UGDH: variants seen among roughly 807,000 people sequenced by gnomAD.
The protein encoded by UGDH is UDP-Glc dehydrogenase.
Under a neutral mutation model 50.6 loss-of-function variants are expected in UGDH, and 38 were observed. The observed-to-expected ratio is 0.75, with a 90% CI of 0.58 to 0.98. The LOEUF (loss-of-function observed/expected upper bound fraction) is 0.98, where lower values mean the gene tolerates loss of function less well. Among genes scored for constraint, UGDH ranks in the 50% least tolerant of loss-of-function variants. The pLI is 0.00. For synonymous variants in UGDH, 168 were observed against 199.9 expected (o/e 0.84, Z 1.35); for missense variants, 465 against 606.2 (o/e 0.77, Z 2.45).
At chr4:39,503,223 A>C (rs1745895311) in intron 11 of UGDH, among the ~76,000 whole-genome samples, 1 of 151,982 alleles carries the variant, frequency 6.6e-6, no homozygotes, top group Admixed American at 6.6e-5. Flanking sequence ...CAATTTTTGT[A>C]TTTGTTAATA....
At chr4:39,509,524 G>A (rs1484550922) in intron 6 of UGDH, among the ~76,000 whole-genome samples, 2 of 152,208 alleles carry the variant, frequency 1.3e-5, no homozygotes, top group Non-Finnish European at 2.9e-5. Flanking sequence ...AATGCAGTAT[G>A]CAGTAAGGAA....
At chr4:39,509,966 C>T in intron 5 of UGDH, 59 bp from the exon 6 acceptor site, 1 of 1,524,480 alleles carries the variant, frequency 6.6e-7, no homozygotes, top group Non-Finnish European at 8.7e-7. Flanking sequence ...TTTTATACAT[C>T]TAGTTTATAT....
intron 1 of UGDH, among the ~76,000 whole-genome samples, chr4:39,523,705 G>A (rs1038502746): frequency 1.3e-5 from 2 of 151,848 alleles, no homozygotes; most frequent in African/African-American, 2.4e-5. Context: ...TTGGGAGGCT[G>A]AGGCAGGAGA....
intron 1 of UGDH, among the ~76,000 whole-genome samples, chr4:39,521,946 C>T (rs1746679375): frequency 6.6e-6 from 1 of 152,176 alleles, no homozygotes; most frequent in African/African-American, 2.4e-5. Context: ...GAGTTTATAA[C>T]AGGTTTAGAT....
intron 3 of UGDH, among the ~76,000 whole-genome samples, chr4:39,511,857 G>A (rs966532216): frequency 1.3e-5 from 2 of 151,170 alleles, no homozygotes; most frequent in African/African-American, 2.4e-5. Flanking sequence ...TTACAAGTGC[G>A]CCACCACACC....
At chr4:39,516,490 T>G (rs6817264) in intron 2 of UGDH, among the ~76,000 whole-genome samples, 108,766 of 151,982 alleles carry the variant, frequency 0.72, 39,090 homozygotes, top group East Asian at 0.9. Context: ...AAAGAAAACA[T>G]ACCTAAACCA....
intron 2 of UGDH, among the ~76,000 whole-genome samples, chr4:39,514,541 T>C (rs981357999): frequency 1.3e-5 from 2 of 152,184 alleles, no homozygotes; most frequent in Middle Eastern, 3.4e-3. Context: ...GTATCTTTTT[T>C]TGGCAGAGAT....
At chr4:39,508,720 G>A in intron 6 of UGDH, 60 bp from the exon 7 acceptor site, 2 of 1,436,208 alleles carry the variant, frequency 1.4e-6, no homozygotes, top group Admixed American at 4.6e-5. Context: ...TCAATCATGT[G>A]ACAAATTTCT....
intron 1 of UGDH, among the ~76,000 whole-genome samples, chr4:39,523,165 C>T (rs945916036): frequency 6.6e-6 from 1 of 152,106 alleles, no homozygotes; most frequent in Admixed American, 6.6e-5. Context: ...GATTCTCGTG[C>T]CTCAGCCCGC....
At chr4:39,526,212 C>T (rs1163430666) in intron 1 of UGDH, among the ~76,000 whole-genome samples, 1 of 152,122 alleles carries the variant, frequency 6.6e-6, no homozygotes, top group East Asian at 1.9e-4. Context: ...AATATTTAAT[C>T]AGTAAGAAAG....
rs144604678 is a variant in UGDH at position 39,500,683 on chromosome 4, G to A, written c.1375-430C>T. On this transcript the variant is annotated intron_variant, in intron 11 of 11. Transcript: ENST00000316423. ...TTTTTTTTTTTTTTCTTGAGATGGA[G>A]TCTTGCTCTATCGCCTAGGCTGGAG... 6.3e-3 allele frequency among the ~76,000 whole-genome samples: 867 copies of A among 138,254 alleles called. 6 individuals carry two copies. Among genetic ancestry groups the A allele is most frequent in the Non-Finnish European group, 9.5e-3 (623 of 65,488 alleles). The allele number at this position is 138,254 out of a possible 152,430, so 90.7% of individuals were successfully genotyped here.
intron 2 of UGDH, among the ~76,000 whole-genome samples, chr4:39,516,028 C>A (rs1048695791): frequency 6.6e-6 from 1 of 152,202 alleles, no homozygotes; most frequent in Non-Finnish European, 1.5e-5. Flanking sequence ...AGCCAATAAA[C>A]AAACTGGTTT....
At chr4:39,501,282 T>G (rs1745800844) in intron 11 of UGDH, among the ~76,000 whole-genome samples, 1 of 142,184 alleles carries the variant, frequency 7.0e-6, no homozygotes, top group Admixed American at 7.2e-5. Context: ...ATAAATTTTT[T>G]TTTTTTTTTT....
intron 1 of UGDH, 173 bp from the exon 2 acceptor site, chr4:39,521,692 A>T (rs1379960097): frequency 1.9e-6 from 1 of 515,800 alleles, no homozygotes; most frequent in African/African-American, 2.0e-5. Context: ...TAACATTCCA[A>T]TTGGATGACC....
At position 39,500,102 on chromosome 4, in the gene UGDH, C is replaced by CAAAAAAA. The variant is rs56814765; in HGVS notation, c.*34_*40dup. The CAAAAAAA allele has an allele frequency of 1.9e-6, 2 of 1,070,052 alleles. No homozygotes were observed. The highest frequency in any genetic ancestry group is 2.6e-6 in the Non-Finnish European group (2 of 757,494). The allele number at this position is 1,070,052 out of a possible 1,614,324, so 66.3% of individuals were successfully genotyped here. A position where few individuals can be genotyped will look rare whatever the true frequency, so the allele number is the denominator to read the frequency against. On this transcript the variant is annotated 3_prime_UTR_variant, in exon 12 of 12. Transcript: ENST00000316423. ...ATAGATATTTGCTATCCTGAAGTAC[C>CAAAAAAA]AAAAAAAAAAAAAAAAAATCACAAA... is the stretch of plus-strand genomic sequence containing the variant.
intron 2 of UGDH, among the ~76,000 whole-genome samples, chr4:39,517,952 G>A (rs565370342): frequency 2.6e-5 from 4 of 151,854 alleles, no homozygotes; most frequent in East Asian, 1.9e-4. Context: ...TTTTTAAGAC[G>A]GAGTCTCACT....
At chr4:39,516,666 A>G (rs1746451960) in intron 2 of UGDH, among the ~76,000 whole-genome samples, 1 of 152,218 alleles carries the variant, frequency 6.6e-6, no homozygotes. Context: ...AGGTCTCTTA[A>G]CATAAGTAAT....
At chr4:39,505,542 C>T in intron 8 of UGDH, 76 bp downstream of exon 8, 13 of 1,390,220 alleles carry the variant, frequency 9.4e-6, no homozygotes, top group Non-Finnish European at 1.1e-5. Context: ...TTTATGTACA[C>T]CTACCCCAAT....
intron 5 of UGDH, 42 bp from the exon 6 acceptor site, chr4:39,509,949 A>G (rs1746174213): frequency 1.9e-6 from 3 of 1,554,700 alleles, no homozygotes. Context: ...ATAAGCTAAA[A>G]CAGCAATTTT....
Sources: allele counts gnomAD v4.1 joint callset (sites outside exome capture counted in the v4.1 genomes callset), GRCh38; gene constraint gnomAD v4.1.1; transcripts MANE v1.5; gene names NCBI Gene and HGNC (gene_info 2026-07-23, HGNC 2026-07-21).